NPSR1: variants seen among roughly 807,000 people sequenced by gnomAD.
The protein encoded by NPSR1 is neuropeptide S receptor 1.
In NPSR1, 48 loss-of-function variants were observed where a neutral mutation model predicts 46.9. The observed-to-expected ratio is 1.02, with a 90% confidence interval of 0.81 to 1.30. NPSR1 has a LOEUF of 1.30. NPSR1 is among the 50% of genes most tolerant of loss of function. The pLI, the probability that NPSR1 is intolerant of heterozygous loss-of-function variation, is 0.00. For missense variants in NPSR1, 450 were observed against 449.5 expected, an observed-to-expected ratio of 1.00 and a Z score of -0.01; for synonymous variants, 176 against 168.1, an observed-to-expected ratio of 1.05 and a Z score of -0.36.
intron 3 of NPSR1, among the ~76,000 whole-genome samples, chr7:34,792,715 T>TGTATATATATGTATATATATATTTA (rs1787980054): frequency 2.0e-5 from 2 of 98,920 alleles, no homozygotes; most frequent in African/African-American, 7.7e-5. Context: ...ATATATATAT[T>TGTATATATATGTATATATATATTTA]TATATATATA....
At chr7:34,721,597 C>A (rs750567919) in intron 2 of NPSR1, among the ~76,000 whole-genome samples, 1 of 152,174 alleles carries the variant, frequency 6.6e-6, no homozygotes, top group Admixed American at 6.5e-5. Context: ...AAGAAAAAGG[C>A]CCCAAAGTTT....
At chr7:34,840,456 C>G (rs909179346) in intron 6 of NPSR1, among the ~76,000 whole-genome samples, 4 of 150,708 alleles carry the variant, frequency 2.7e-5, no homozygotes, top group African/African-American at 9.7e-5. Context: ...CTGCTGCAAG[C>G]TCCTGGAATA....
chr7:34,688,817 C>T (rs1247650672), intron 2 of NPSR1, among the ~76,000 whole-genome samples: 1 of 152,200 alleles, frequency 6.6e-6, no homozygotes, highest in African/African-American at 2.4e-5. Flanking sequence ...ATTTGACACA[C>T]CTGATTGTCT....
chr7:34,751,033 C>CA, intron 2 of NPSR1: 1 of 773,918 alleles, frequency 1.3e-6, no homozygotes. Flanking sequence ...ATTTGAGACT[C>CA]AGGGTTGATG....
At chr7:34,685,690 A>T (rs1234505513) in intron 2 of NPSR1, 1 of 426,258 alleles carries the variant, frequency 2.3e-6, no homozygotes, top group Non-Finnish European at 4.6e-6. Flanking sequence ...TGTAACTTAC[A>T]AGAGAATCTT....
At chr7:34,836,773 A>T (rs1790391905) in intron 6 of NPSR1, among the ~76,000 whole-genome samples, 1 of 152,052 alleles carries the variant, frequency 6.6e-6, no homozygotes, top group Admixed American at 6.6e-5. Flanking sequence ...AGAAAGAGAA[A>T]GAAAAAAATA....
chr7:34,808,974 G>A (rs1426226154), intron 3 of NPSR1, among the ~76,000 whole-genome samples: 4 of 152,070 alleles, frequency 2.6e-5, no homozygotes, highest in African/African-American at 9.7e-5. Flanking sequence ...AACATTGACT[G>A]CTCTTCTGGA....
chr7:34,718,206 A>G (rs1200644129), intron 2 of NPSR1, among the ~76,000 whole-genome samples: 1 of 152,232 alleles, frequency 6.6e-6, no homozygotes, highest in African/African-American at 2.4e-5. Flanking sequence ...AAATGTTAAC[A>G]TAAATGTAAT....
At chr7:34,689,619 A>AAAAAAAAAAAAAAAG (rs1793132516) in intron 2 of NPSR1, among the ~76,000 whole-genome samples, 1 of 145,474 alleles carries the variant, frequency 6.9e-6, no homozygotes, top group African/African-American at 2.6e-5. Context: ...AAAAAAAAAA[A>AAAAAAAAAAAAAAAG]AAAAAAAAAA....
At chr7:34,702,159 A>C (rs1034835126) in intron 2 of NPSR1, among the ~76,000 whole-genome samples, 1 of 152,172 alleles carries the variant, frequency 6.6e-6, no homozygotes, top group Non-Finnish European at 1.5e-5. Flanking sequence ...TTGGTTCAAG[A>C]TGACTGCTAG....
chr7:34,751,397 C>G, intron 2 of NPSR1: 2 of 1,033,524 alleles, frequency 1.9e-6, no homozygotes, highest in Admixed American at 3.4e-5. Context: ...TTGTTGTAGA[C>G]TTTAAGCAAG....
At position 34,678,368 on chromosome 7, in the gene NPSR1, C is replaced by T. The variant is rs1220693808; in HGVS notation, c.148-6184C>T. ...TCCCGAGTAGCTGGGACTACAAGCA[C>T]GCACCACCACGACCAGCTAATTGCA... On this transcript the variant is annotated intron_variant, in intron 1 of 8. Coordinates refer to ENST00000360581, the MANE Select transcript of NPSR1 (RefSeq NM_207172.2). 5.3e-5 allele frequency among the ~76,000 whole-genome samples: 8 copies of T among 151,748 alleles called. No homozygotes were observed. In the South Asian group the frequency reaches 1.3e-3, roughly 24 times the overall value.
chr7:34,848,763 C>T, intron 8 of NPSR1, 100 bp downstream of exon 8: 3 of 1,032,090 alleles, frequency 2.9e-6, no homozygotes, highest in South Asian at 1.5e-5. Context: ...CAGCAGGTTA[C>T]AGGATCCCCC....
intron 2 of NPSR1, among the ~76,000 whole-genome samples, chr7:34,736,017 C>T (rs1461649387): frequency 6.6e-6 from 1 of 152,138 alleles, no homozygotes; most frequent in Admixed American, 6.5e-5. Flanking sequence ...TGAGAAGGAT[C>T]ATTTAATAAT....
At chr7:34,662,836 A>G (rs1583755616) in intron 1 of NPSR1, among the ~76,000 whole-genome samples, 1 of 152,068 alleles carries the variant, frequency 6.6e-6, no homozygotes. Context: ...CAATTTCCAA[A>G]CTATAGACGC....
chr7:34,779,615 A>T, intron 3 of NPSR1: 1 of 1,243,668 alleles, frequency 8.0e-7, no homozygotes, highest in Non-Finnish European at 1.0e-6. Flanking sequence ...TGTGCTCTGA[A>T]TATAACCTTG....
chr7:34,751,347 A>G, intron 2 of NPSR1: 3 of 1,016,074 alleles, frequency 3.0e-6, no homozygotes, highest in Non-Finnish European at 4.7e-6. Flanking sequence ...GGGTAGGTGA[A>G]GCAGCTGCAG....
intron 3 of NPSR1, among the ~76,000 whole-genome samples, chr7:34,791,447 G>C (rs1437838092): frequency 6.7e-6 from 1 of 149,668 alleles, no homozygotes; most frequent in Non-Finnish European, 1.5e-5. Context: ...AAAAAAAATA[G>C]AATCTATTTA....
At chr7:34,676,277 C>A (rs2531839) in intron 1 of NPSR1, among the ~76,000 whole-genome samples, 16,448 of 152,188 alleles carry the variant, frequency 0.11, 975 homozygotes, top group African/African-American at 0.15. Context: ...TCACAACTAT[C>A]CTGAGATAGG....
Sources: gnomAD v4.1 joint callset for allele counts (sites outside exome capture counted in the v4.1 genomes callset) on GRCh38, gnomAD v4.1.1 for gene constraint, MANE v1.5 for transcripts, NCBI Gene and HGNC (gene_info 2026-07-23, HGNC 2026-07-21) for gene names.